ATP2C1: variants seen among roughly 807,000 people sequenced by gnomAD.
The protein encoded by ATP2C1 is ATPase secretory pathway Ca2+ transporting 1.
In ATP2C1, 31 loss-of-function variants were observed where a neutral mutation model predicts 120.5. That is an observed-to-expected ratio of 0.26 (90% CI 0.19 to 0.35). ATP2C1 has a LOEUF of 0.35. Ranked by LOEUF, ATP2C1 falls within the 10% of genes least tolerant of loss-of-function variation. The pLI is 1.00. For synonymous variants in ATP2C1, 351 were observed against 358.7 expected (o/e 0.98, Z 0.24); for missense variants, 731 against 1,107.5 (o/e 0.66, Z 4.83).
chr3:130,987,448 A>C (rs770815154), intron 20 of ATP2C1, among the ~76,000 whole-genome samples: 1 of 152,172 alleles, frequency 6.6e-6, no homozygotes, highest in Non-Finnish European at 1.5e-5. Flanking sequence ...CTCATGACTC[A>C]GTCTCCTGAG....
chr3:130,970,514 TC>T (rs1268256338), intron 17 of ATP2C1, among the ~76,000 whole-genome samples: 1 of 151,944 alleles, frequency 6.6e-6, no homozygotes, highest in Non-Finnish European at 1.5e-5. Flanking sequence ...CACTTCAGCT[TC>T]CCAAGTAGCT....
intron 1 of ATP2C1, among the ~76,000 whole-genome samples, chr3:130,865,223 T>C (rs1312876571): frequency 6.6e-6 from 1 of 152,184 alleles, no homozygotes; most frequent in Non-Finnish European, 1.5e-5. Context: ...TTTTTGGACT[T>C]GTATGGGCCT....
intron 6 of ATP2C1, among the ~76,000 whole-genome samples, chr3:130,940,397 G>GT (rs1457132372): frequency 3.3e-5 from 5 of 152,008 alleles, no homozygotes; most frequent in Admixed American, 3.3e-4. Flanking sequence ...ATAACCTTAG[G>GT]TTTGTACATT....
intron 2 of ATP2C1, among the ~76,000 whole-genome samples, chr3:130,921,119 T>A (rs913263791): frequency 2.0e-5 from 3 of 148,972 alleles, no homozygotes; most frequent in Non-Finnish European, 4.4e-5. Flanking sequence ...TCTCGCACAG[T>A]TTCCCAGGCT....
chr3:130,908,552 A>G (rs1246980179), intron 2 of ATP2C1, among the ~76,000 whole-genome samples: 1 of 152,046 alleles, frequency 6.6e-6, no homozygotes, highest in Admixed American at 6.6e-5. Context: ...GTTAACAGAG[A>G]TTACTTCTGG....
chr3:130,912,403 C>G (rs1226272452), intron 2 of ATP2C1, among the ~76,000 whole-genome samples: 1 of 149,810 alleles, frequency 6.7e-6, no homozygotes, highest in Non-Finnish European at 1.5e-5. Context: ...AACCAATTTA[C>G]AAGAAAAAAA....
chr3:130,877,893 G>A (rs931744336), intron 1 of ATP2C1, among the ~76,000 whole-genome samples: 2 of 152,094 alleles, frequency 1.3e-5, no homozygotes, highest in African/African-American at 4.8e-5. Flanking sequence ...CAACCCAAAT[G>A]TCCAACAGTG....
chr3:130,864,877 T>C (rs1001870875), intron 1 of ATP2C1, among the ~76,000 whole-genome samples: 1 of 152,192 alleles, frequency 6.6e-6, no homozygotes, highest in Non-Finnish European at 1.5e-5. Context: ...GGAGAACTTC[T>C]GCCAGAGCAG....
At chr3:130,975,624 T>A in intron 18 of ATP2C1, 136 bp downstream of exon 18, 1 of 1,033,530 alleles carries the variant, frequency 9.7e-7, no homozygotes, top group Non-Finnish European at 1.5e-6. Context: ...ATTGAGGTGT[T>A]AAGTTTTAGT....
chr3:130,912,478 T>G (rs2058473557), intron 2 of ATP2C1, among the ~76,000 whole-genome samples: 1 of 149,258 alleles, frequency 6.7e-6, no homozygotes, highest in Admixed American at 6.6e-5. Flanking sequence ...AAGACATTTA[T>G]GCAGCCAAAA....
intron 26 of ATP2C1, chr3:131,015,179 T>A (rs1205249056): frequency 1.4e-6 from 1 of 701,562 alleles, no homozygotes; most frequent in Admixed American, 2.0e-5. Flanking sequence ...GGAGGCTTTT[T>A]ACCTTGAAAC....
intron 8 of ATP2C1, among the ~76,000 whole-genome samples, chr3:130,947,855 T>A (rs1372274338): frequency 2.0e-5 from 3 of 152,172 alleles, no homozygotes; most frequent in Non-Finnish European, 4.4e-5. Context: ...TACTGTTTAC[T>A]TATTTTCTTA....
intron 2 of ATP2C1, chr3:130,918,618 C>T: frequency 1.5e-6 from 1 of 666,370 alleles, no homozygotes. Context: ...CTTTCCATAG[C>T]AGGATTTGCA....
intron 1 of ATP2C1, among the ~76,000 whole-genome samples, chr3:130,883,196 A>G (rs1308324664): frequency 1.3e-5 from 2 of 151,092 alleles, no homozygotes; most frequent in Non-Finnish European, 3.0e-5. Context: ...CAATGTTTCT[A>G]TTTTCATCTC....
At chr3:130,887,394 T>C (rs1196168893) in intron 1 of ATP2C1, among the ~76,000 whole-genome samples, 1 of 152,048 alleles carries the variant, frequency 6.6e-6, no homozygotes, top group East Asian at 1.9e-4. Flanking sequence ...GCCAGCCAGG[T>C]TGGTGTCTTT....
chr3:130,996,626 A>G (rs775686382), intron 23 of ATP2C1, 54 bp from the exon 24 acceptor site: 20 of 1,183,026 alleles, frequency 1.7e-5, no homozygotes, highest in Non-Finnish European at 2.5e-5. Flanking sequence ...GTGGTATCAT[A>G]GAATCAACAG....
chr3:130,902,198 C>G (rs1326162923), intron 2 of ATP2C1, among the ~76,000 whole-genome samples: 2 of 150,538 alleles, frequency 1.3e-5, no homozygotes, highest in Non-Finnish European at 3.0e-5. Flanking sequence ...AGCCTCTCAG[C>G]AAATCCTAAT....
At chr3:130,953,113 GTATA>G (rs1162471558) in intron 8 of ATP2C1, among the ~76,000 whole-genome samples, 7 of 142,874 alleles carry the variant, frequency 4.9e-5, no homozygotes, top group East Asian at 2.0e-4. Flanking sequence ...ATGTATGTAT[GTATA>G]TATGTATGTA....
At chr3:130,959,411 T>G (rs1365162943) in intron 12 of ATP2C1, 70 bp downstream of exon 12, 2 of 1,046,834 alleles carry the variant, frequency 1.9e-6, no homozygotes, top group Non-Finnish European at 3.0e-6. Flanking sequence ...ATAGCTTACG[T>G]TTTATTATGG....
Sources: allele counts gnomAD v4.1 joint callset (sites outside exome capture counted in the v4.1 genomes callset), GRCh38; gene constraint gnomAD v4.1.1; transcripts MANE v1.5; gene names NCBI Gene and HGNC (gene_info 2026-07-23, HGNC 2026-07-21).